NTM: variants seen among roughly 807,000 people sequenced by gnomAD.
NTM encodes IgLON family member 2.
In NTM, 13 loss-of-function variants were observed where a neutral mutation model predicts 42.1. The ratio of observed to expected loss-of-function variants is 0.31; its 90% CI spans 0.20 to 0.49. NTM has a LOEUF of 0.49. Among genes scored for constraint, NTM ranks in the 20% least tolerant of loss-of-function variants. NTM has a pLI of 0.99. For synonymous variants in NTM, 187 were observed against 179.2 expected (o/e 1.04, Z -0.35); for missense variants, 373 against 452.8 (o/e 0.82, Z 1.60).
At chr11:131,742,865 G>A (rs1248555723) in intron 1 of NTM, among the ~76,000 whole-genome samples, 1 of 152,152 alleles carries the variant, frequency 6.6e-6, no homozygotes, top group Non-Finnish European at 1.5e-5. Context: ...TGCAGCAAGT[G>A]TACACATTAA....
At chr11:131,629,678 G>A (rs1233878276) in intron 1 of NTM, among the ~76,000 whole-genome samples, 2 of 152,154 alleles carry the variant, frequency 1.3e-5, no homozygotes, top group East Asian at 1.9e-4. Flanking sequence ...ATTTCGAAAC[G>A]AGAGTATTTA....
intron 1 of NTM, among the ~76,000 whole-genome samples, chr11:131,822,193 TG>T (rs367676637): frequency 2.0e-5 from 3 of 152,264 alleles, no homozygotes; most frequent in African/African-American, 7.2e-5. Flanking sequence ...ATTACCCCTC[TG>T]TCTTTGTTTC....
At chr11:131,955,539 G>A (rs988689816) in intron 2 of NTM, among the ~76,000 whole-genome samples, 3 of 152,028 alleles carry the variant, frequency 2.0e-5, no homozygotes, top group Non-Finnish European at 4.4e-5. Context: ...TATAAATGGA[G>A]GATAATTATC....
At chr11:132,320,510 T>A (rs996849946) in intron 7 of NTM, among the ~76,000 whole-genome samples, 1 of 152,206 alleles carries the variant, frequency 6.6e-6, no homozygotes, top group African/African-American at 2.4e-5. Context: ...ATCCCCCAGC[T>A]GGCTCGGAGG....
chr11:131,934,925 TGGAGCAGTGA>T (rs2134136153), intron 2 of NTM, among the ~76,000 whole-genome samples: 1 of 152,280 alleles, frequency 6.6e-6, no homozygotes, highest in South Asian at 2.1e-4. Context: ...GTGTTTCCAA[TGGAGCAGTGA>T]CATGCTCCGA....
chr11:131,415,953 T>C (rs1946900313), intron 1 of NTM, among the ~76,000 whole-genome samples: 1 of 152,218 alleles, frequency 6.6e-6, no homozygotes, highest in South Asian at 2.1e-4. Context: ...TTATTTACTT[T>C]GGGACTAAGG....
intron 1 of NTM, among the ~76,000 whole-genome samples, chr11:131,903,198 T>C (rs894901262): frequency 3.9e-5 from 6 of 152,216 alleles, no homozygotes; most frequent in Middle Eastern, 3.2e-3. Flanking sequence ...AATAGATCTC[T>C]AAAACTCTTC....
At chr11:131,712,887 A>G (rs1007151683) in intron 1 of NTM, among the ~76,000 whole-genome samples, 1 of 152,130 alleles carries the variant, frequency 6.6e-6, no homozygotes, top group Non-Finnish European at 1.5e-5. Context: ...AGTGAAAACC[A>G]AGGAAGAAAG....
In NTM at chr11:132,014,207, C is replaced by T. The variant is rs79910192; in HGVS notation, c.167+102559C>T. ...AATGACCTCCATGTCAAATGAAAGA[C>T]ATGATTTCATTTGTTTTTATAGCTG... On this transcript the variant is annotated intron_variant, in intron 2 of 8. Coordinates refer to ENST00000683400, the MANE Select transcript of NTM (RefSeq NM_001352005.2). Among the ~76,000 whole-genome samples, 717 of 152,164 alleles carry T rather than the reference C, an allele frequency of 4.7e-3. 9 individuals are homozygous for T. The highest frequency in any genetic ancestry group is 0.016 in the African/African-American group (682 of 41,532).
intron 3 of NTM, among the ~76,000 whole-genome samples, chr11:132,203,297 A>T (rs541071266): frequency 5.9e-5 from 9 of 152,246 alleles, no homozygotes; most frequent in Admixed American, 5.2e-4. Context: ...TTTTAGTAAC[A>T]CTAAGAAAGG....
intron 1 of NTM, among the ~76,000 whole-genome samples, chr11:131,444,036 T>A (rs1949823277): frequency 6.6e-6 from 1 of 151,914 alleles, no homozygotes; most frequent in Non-Finnish European, 1.5e-5. Context: ...TAGAAAATGT[T>A]TGCGTTATTA....
intron 1 of NTM, among the ~76,000 whole-genome samples, chr11:131,780,703 A>G (rs1184324906): frequency 6.6e-6 from 1 of 152,206 alleles, no homozygotes; most frequent in Non-Finnish European, 1.5e-5. Context: ...AATATTTATG[A>G]AAACACAAAA....
At chr11:131,971,301 T>C (rs752963076) in intron 2 of NTM, among the ~76,000 whole-genome samples, 1 of 152,214 alleles carries the variant, frequency 6.6e-6, no homozygotes, top group Non-Finnish European at 1.5e-5. Context: ...TTATTTTCAT[T>C]TGCATTTCTC....
chr11:131,513,470 C>A (rs914220758), intron 1 of NTM, among the ~76,000 whole-genome samples: 2 of 152,140 alleles, frequency 1.3e-5, no homozygotes, highest in Non-Finnish European at 2.9e-5. Context: ...AAGTCAATGT[C>A]AGCTCCTCCC....
intron 2 of NTM, among the ~76,000 whole-genome samples, chr11:131,923,048 C>T (rs1180425430): frequency 6.9e-6 from 1 of 145,144 alleles, no homozygotes; most frequent in African/African-American, 2.4e-5. Flanking sequence ...TGCATCTACT[C>T]CAGTACCCCG....
intron 1 of NTM, chr11:131,540,409 T>C (rs1052351244): frequency 1.3e-5 from 2 of 152,052 alleles, no homozygotes; most frequent in African/African-American, 4.8e-5. Flanking sequence ...TCATGATTCA[T>C]CTGCCTCGGC....
At chr11:131,723,173 G>A (rs1165839984) in intron 1 of NTM, among the ~76,000 whole-genome samples, 1 of 152,220 alleles carries the variant, frequency 6.6e-6, no homozygotes, top group Non-Finnish European at 1.5e-5. Context: ...GCCGTTGAAA[G>A]TTATGAAGCA....
intron 4 of NTM, among the ~76,000 whole-genome samples, chr11:132,300,229 A>T (rs987279248): frequency 7.2e-5 from 11 of 152,216 alleles, no homozygotes; most frequent in Non-Finnish European, 1.2e-4. Flanking sequence ...GATCATGTGT[A>T]TTAAAAATGT....
chr11:131,477,322 A>G (rs2136213699), intron 1 of NTM, among the ~76,000 whole-genome samples: 1 of 152,258 alleles, frequency 6.6e-6, no homozygotes, highest in South Asian at 2.1e-4. Flanking sequence ...CACAGCTATC[A>G]AGGAACAGTG....
Sources: gnomAD v4.1 joint callset for allele counts (sites outside exome capture counted in the v4.1 genomes callset) on GRCh38, gnomAD v4.1.1 for gene constraint, MANE v1.5 for transcripts, NCBI Gene and HGNC (gene_info 2026-07-23, HGNC 2026-07-21) for gene names.